Variants in TTLL1 observed in about 807,000 individuals in gnomAD.
TTLL1 encodes the protein TTL family tubulin polyglutamylase complex subunit L1, also known as polyglutamylase complex subunit TTLL1.
In TTLL1, 33 loss-of-function variants were observed where a neutral mutation model predicts 47.8. That is an observed-to-expected ratio of 0.69 (90% CI 0.52 to 0.92). TTLL1 has a LOEUF of 0.92. Among genes scored for constraint, TTLL1 ranks in the 40% least tolerant of loss-of-function variants. TTLL1 has a pLI of 0.00. For synonymous variants in TTLL1, 225 were observed against 214.1 expected (o/e 1.05, Z -0.45); for missense variants, 488 against 547.5 (o/e 0.89, Z 1.08).
At chr22:43,081,909 G>T (rs535313071) in intron 1 of TTLL1, among the ~76,000 whole-genome samples, 2 of 121,710 alleles carry the variant, frequency 1.6e-5, no homozygotes, top group South Asian at 5.9e-4. Flanking sequence ...GAGTGCAGTG[G>T]CACCATCTTG....
intron 9 of TTLL1, among the ~76,000 whole-genome samples, chr22:43,047,981 C>T (rs1926278025): frequency 6.6e-6 from 1 of 152,024 alleles, no homozygotes; most frequent in Non-Finnish European, 1.5e-5. Context: ...CTGTAGTATA[C>T]CATAATACTA....
At chr22:43,061,516 A>G (rs1927385631) in intron 7 of TTLL1, among the ~76,000 whole-genome samples, 1 of 151,938 alleles carries the variant, frequency 6.6e-6, no homozygotes, top group Non-Finnish European at 1.5e-5. Flanking sequence ...ACCAATACTC[A>G]CTCTCTTTCT....
At chr22:43,059,645 C>G (rs1927272869) in intron 7 of TTLL1, 118 bp from the exon 8 acceptor site, 3 of 1,304,664 alleles carry the variant, frequency 2.3e-6, no homozygotes, top group East Asian at 2.7e-5. Context: ...CATCCAGCAA[C>G]AAGGCAAACA....
At chr22:43,043,448 C>T (rs1369850558) in intron 10 of TTLL1, among the ~76,000 whole-genome samples, 1 of 152,070 alleles carries the variant, frequency 6.6e-6, no homozygotes, top group Non-Finnish European at 1.5e-5. Context: ...CACAGACCCC[C>T]TCAGTCCTCC....
At chr22:43,075,406 G>T (rs1008297852) in intron 3 of TTLL1, 68 bp downstream of exon 3, 21 of 1,293,832 alleles carry the variant, frequency 1.6e-5, no homozygotes, top group Non-Finnish European at 2.0e-5. Context: ...TCTCTGGGAG[G>T]CACTGGAATT....
intron 4 of TTLL1, 147 bp downstream of exon 4, chr22:43,069,489 A>G: frequency 7.2e-7 from 1 of 1,396,098 alleles, no homozygotes; most frequent in Non-Finnish European, 9.6e-7. Context: ...CTCATTCTGG[A>G]GACACCTGAA....
chr22:43,051,766 G>C (rs1295473311), intron 9 of TTLL1, 35 bp downstream of exon 9: 2 of 1,600,928 alleles, frequency 1.2e-6, no homozygotes, highest in Admixed American at 3.3e-5. Context: ...GGGGCTATGT[G>C]TGGTGTGACC....
intron 10 of TTLL1, among the ~76,000 whole-genome samples, chr22:43,041,939 G>A (rs936359692): frequency 4.6e-5 from 7 of 152,134 alleles, no homozygotes; most frequent in Non-Finnish European, 7.4e-5. Flanking sequence ...GAGAGACACA[G>A]CCATAGTCCC....
intron 1 of TTLL1, among the ~76,000 whole-genome samples, chr22:43,087,797 C>G (rs897177297): frequency 1.5e-5 from 2 of 134,756 alleles, no homozygotes; most frequent in African/African-American, 5.8e-5. Flanking sequence ...AAGATCGCAC[C>G]ACTGCACACT....
rs1569443761 is a variant in TTLL1, at chr22:43,075,459, G to GC, written c.113+14dup. On this transcript the variant is annotated intron_variant, in intron 3 of 10. Transcript: ENST00000266254. ...AGCCTCAGAGAAACAACCCAGCCCTGCTGTGTATGCTTACCAGTAAAAATT... is the reference window on the plus strand; with the variant it reads ...AGCCTCAGAGAAACAACCCAGCCCTGCCTGTGTATGCTTACCAGTAAAAATT... 1.9e-6 allele frequency: 3 copies of GC among 1,606,672 alleles called. No homozygotes were observed. The highest frequency in any genetic ancestry group is 1.7e-4 in the Middle Eastern group (1 of 6,042).
chr22:43,070,051 A>G, intron 3 of TTLL1: 1 of 1,185,828 alleles, frequency 8.4e-7, no homozygotes, highest in Admixed American at 2.2e-5. Context: ...TGTGAGGGCC[A>G]GGAGCTGTGC....
chr22:43,078,486 A>G (rs910676105), intron 2 of TTLL1, among the ~76,000 whole-genome samples: 5 of 151,972 alleles, frequency 3.3e-5, no homozygotes, highest in African/African-American at 4.8e-5. Context: ...ACACAGCAAG[A>G]CTCTGTCAGA....
At chr22:43,089,005 A>G (rs1274523967) in intron 1 of TTLL1, among the ~76,000 whole-genome samples, 1 of 152,184 alleles carries the variant, frequency 6.6e-6, no homozygotes, top group African/African-American at 2.4e-5. Context: ...GGAACAATGA[A>G]AGTCTGGGAT....
intron 3 of TTLL1, among the ~76,000 whole-genome samples, chr22:43,070,751 C>T (rs911272800): frequency 6.6e-6 from 1 of 152,096 alleles, no homozygotes; most frequent in African/African-American, 2.4e-5. Flanking sequence ...GAACCTCCAC[C>T]CCCCTCAGCA....
chr22:43,070,899 A>ATATG (rs957248352), intron 3 of TTLL1, among the ~76,000 whole-genome samples: 18 of 152,158 alleles, frequency 1.2e-4, no homozygotes, highest in South Asian at 2.1e-4. Flanking sequence ...TAAAAAAGCA[A>ATATG]TATGTATGTA....
intron 8 of TTLL1, among the ~76,000 whole-genome samples, chr22:43,058,783 C>T (rs773209776): frequency 1.3e-5 from 2 of 152,168 alleles, no homozygotes; most frequent in South Asian, 4.1e-4. Flanking sequence ...CAACCTCTGC[C>T]TCCTGGGTTC....
chr22:43,070,028 G>T, intron 3 of TTLL1, 184 bp from the exon 4 acceptor site: 1 of 1,206,704 alleles, frequency 8.3e-7, no homozygotes, highest in Non-Finnish European at 1.2e-6. Context: ...GGGACAGGCC[G>T]GGACCCAAGT....
intron 5 of TTLL1, among the ~76,000 whole-genome samples, chr22:43,064,813 G>A (rs1369910603): frequency 6.6e-6 from 1 of 152,058 alleles, no homozygotes. Context: ...AGAGCACAGA[G>A]GATTTTGAGG....
At chr22:43,076,696 G>A (rs969899633) in intron 2 of TTLL1, among the ~76,000 whole-genome samples, 12 of 147,814 alleles carry the variant, frequency 8.1e-5, no homozygotes, top group Non-Finnish European at 1.6e-4. Context: ...GGTTGCAGTG[G>A]GCAGAGATTG....
Sources: gnomAD v4.1 joint callset for allele counts (sites outside exome capture counted in the v4.1 genomes callset) on GRCh38, gnomAD v4.1.1 for gene constraint, MANE v1.5 for transcripts, NCBI Gene and HGNC (gene_info 2026-07-23, HGNC 2026-07-21) for gene names.